SHISAL1: variants seen among roughly 807,000 people sequenced by gnomAD.
SHISAL1 encodes the protein protein shisa-like-1.
A neutral mutation model predicts 22.6 loss-of-function variants in SHISAL1; 9 were observed. The ratio of observed to expected loss-of-function variants is 0.40; its 90% CI spans 0.24 to 0.70. SHISAL1 has a LOEUF of 0.70. Ranked by LOEUF, SHISAL1 falls within the 30% of genes least tolerant of loss-of-function variation. The pLI, the probability that SHISAL1 is intolerant of heterozygous loss-of-function variation, is 0.39. For synonymous variants in SHISAL1, 119 were observed against 115.4 expected, an observed-to-expected ratio of 1.03 and a Z score of -0.20; for missense variants, 246 against 270.6, an observed-to-expected ratio of 0.91 and a Z score of 0.64.
At chr22:44,292,884 C>T (rs2055362092) in intron 3 of SHISAL1, among the ~76,000 whole-genome samples, 1 of 152,254 alleles carries the variant, frequency 6.6e-6, no homozygotes. Flanking sequence ...AGGCCACCCT[C>T]ATGGCTCCTG....
At chr22:44,297,931 A>AC (rs1310328587) in intron 2 of SHISAL1, among the ~76,000 whole-genome samples, 1 of 152,186 alleles carries the variant, frequency 6.6e-6, no homozygotes, top group Non-Finnish European at 1.5e-5. Context: ...ACTGCAGCCC[A>AC]CACAGCTCCC....
At chr22:44,251,416 G>T (rs1280378437) in intron 4 of SHISAL1, among the ~76,000 whole-genome samples, 4 of 152,192 alleles carry the variant, frequency 2.6e-5, no homozygotes. Flanking sequence ...AATCAAGAAT[G>T]ATTCAGAAAG....
At chr22:44,279,576 G>A (rs946071369) in intron 4 of SHISAL1, among the ~76,000 whole-genome samples, 3 of 152,198 alleles carry the variant, frequency 2.0e-5, no homozygotes, top group African/African-American at 7.2e-5. Context: ...AGGGGAGGAC[G>A]AATGAGTTTT....
chr22:44,276,356 G>A (rs895147812), intron 4 of SHISAL1, among the ~76,000 whole-genome samples: 5 of 152,150 alleles, frequency 3.3e-5, no homozygotes, highest in African/African-American at 9.7e-5. Context: ...AGTGGGGTGC[G>A]GTGGAGTCAG....
chr22:44,326,193 A>T, the SHISAL1 span, among the ~76,000 whole-genome samples: 1 of 152,210 alleles, frequency 6.6e-6, no homozygotes, highest in Non-Finnish European at 1.5e-5. Context: ...CGTTTCCGTG[A>T]CAAGCTCCGG....
chr22:44,269,499 G>A (rs1436365306), intron 4 of SHISAL1, among the ~76,000 whole-genome samples: 5 of 121,032 alleles, frequency 4.1e-5, no homozygotes, highest in Non-Finnish European at 8.4e-5. Flanking sequence ...CACACTCCAT[G>A]CCACACCATG....
Position 44,296,728 on chromosome 22 carries a change from C to T in SHISAL1, c.225G>A (p.Glu75=), listed in dbSNP as rs765804319. 6.2e-7 allele frequency: 1 copy of T among 1,614,142 alleles called. No individual in the cohort carries two copies. The highest frequency in any genetic ancestry group is 1.7e-5 in the Admixed American group (1 of 60,038). Residue 75 remains glutamate (E), a synonymous_variant, in exon 3 of 5, where the codon GAG becomes GAA. Coordinates refer to ENST00000381176, the MANE Select transcript of SHISAL1 (RefSeq NM_001099294.2). ...TVFKYCCNET[E]FQAVMQANLT... ...GGTTCGCCTGCATCACCGCCTGGAA[C>T]TCCGTCTCGTTGCAGCAGTATTTGA...
upstream of SHISAL1, among the ~76,000 whole-genome samples, chr22:44,317,227 G>A (rs530810899): frequency 2.6e-4 from 39 of 152,290 alleles, no homozygotes; most frequent in Non-Finnish European, 4.9e-4. Flanking sequence ...ATTCAGCTCC[G>A]AGAGCCGGGC....
At chr22:44,256,839 GAAATGGATCAATTTCC>G (rs1379246629) in intron 4 of SHISAL1, among the ~76,000 whole-genome samples, 1 of 152,122 alleles carries the variant, frequency 6.6e-6, no homozygotes, top group East Asian at 1.9e-4. Context: ...AAGCCTCCAA[GAAATGGATCAATTTCC>G]AAGAAAAGAG....
intron 4 of SHISAL1, among the ~76,000 whole-genome samples, chr22:44,262,390 G>A (rs1482967149): frequency 6.6e-6 from 1 of 152,192 alleles, no homozygotes; most frequent in Admixed American, 6.5e-5. Flanking sequence ...GTGGGGAGCC[G>A]ACATGGAAGA....
In SHISAL1 at chr22:44,249,634, C is replaced by T. The variant is rs774274623; in HGVS notation, c.*51G>A. On this transcript the variant is annotated 3_prime_UTR_variant, in exon 5 of 5. Transcript: ENST00000381176. Reference sequence around the variant, plus strand: ...AAGTTGTTCTTCTCGGAGGCTGCACCGGGTGCTTCAGATCTCATCTCCCCC... The same window carrying T: ...AAGTTGTTCTTCTCGGAGGCTGCACTGGGTGCTTCAGATCTCATCTCCCCC... 18 of 778,802 alleles carry T rather than the reference C, an allele frequency of 2.3e-5. No homozygotes were observed. The highest frequency in any genetic ancestry group is 1.2e-4 in the Admixed American group (7 of 58,584). 48.2% of individuals were successfully genotyped at this position (778,802 alleles called of 1,614,324 possible).
At chr22:44,299,162 G>A (rs1426246474) in intron 2 of SHISAL1, among the ~76,000 whole-genome samples, 1 of 152,190 alleles carries the variant, frequency 6.6e-6, no homozygotes, top group African/African-American at 2.4e-5. Flanking sequence ...GCAGTAAAGG[G>A]CAGCATCCGT....
chr22:44,247,377 G>A lies in SHISAL1; in HGVS notation c.*2308C>T, dbSNP rs2055010039. On this transcript the variant is annotated 3_prime_UTR_variant, in exon 5 of 5. Coordinates refer to ENST00000381176, the MANE Select transcript of SHISAL1 (RefSeq NM_001099294.2). ...CTCTGCCTTCTGAGGCACTGCACGT[G>A]GGACACAGCTGTGGCTTCCGCAGCT... 6.6e-6 allele frequency: 1 copy of A among 152,298 alleles called. No homozygotes were observed. Among genetic ancestry groups the A allele is most frequent in the African/African-American group, 2.4e-5 (1 of 41,448 alleles). The allele number at this position is 152,298 out of a possible 1,614,324, so 9.4% of individuals were successfully genotyped here. A position where few individuals can be genotyped will look rare whatever the true frequency, so the allele number is the denominator to read the frequency against.
the SHISAL1 span, among the ~76,000 whole-genome samples, chr22:44,319,465 C>A: frequency 1.3e-5 from 2 of 152,210 alleles, no homozygotes. Context: ...TGAAATGAAA[C>A]CACTTCCCCA....
At chr22:44,327,387 G>A in the SHISAL1 span, among the ~76,000 whole-genome samples, 162 of 152,270 alleles carry the variant, frequency 1.1e-3, 1 homozygote, top group Admixed American at 1.7e-3. Flanking sequence ...AAGTGGGGAC[G>A]GCCCGTGACT....
intron 1 of SHISAL1, among the ~76,000 whole-genome samples, chr22:44,306,721 G>A (rs550301938): frequency 2.3e-5 from 3 of 128,098 alleles, no homozygotes; most frequent in South Asian, 5.2e-4. Context: ...CTCTGATGAC[G>A]ATGGCGTGTG....
rs143526139 is a variant in SHISAL1, at chr22:44,276,096, C to T, written c.599+9332G>A. Among the ~76,000 whole-genome samples the T allele has an allele frequency of 3.3e-3, 509 of 152,304 alleles. 2 individuals are homozygous for T. Among genetic ancestry groups the T allele is most frequent in the Non-Finnish European group, 5.9e-3 (399 of 68,028 alleles). ...GCCACAAAGCAAACGTGATGTCAGG[C>T]GGCGGTGCACATGATGAGGCAGCTG... On this transcript the variant is annotated intron_variant, in intron 4 of 4. Coordinates refer to ENST00000381176, the MANE Select transcript of SHISAL1 (RefSeq NM_001099294.2).
At chr22:44,258,287 G>C (rs1239133174) in intron 4 of SHISAL1, among the ~76,000 whole-genome samples, 1 of 151,922 alleles carries the variant, frequency 6.6e-6, no homozygotes, top group East Asian at 1.9e-4. Flanking sequence ...AGCCTGGGTG[G>C]CAGAGCGAGA....
chr22:44,256,074 GTTC>G (rs1320458473), intron 4 of SHISAL1, among the ~76,000 whole-genome samples: 1 of 152,190 alleles, frequency 6.6e-6, no homozygotes, highest in Admixed American at 6.5e-5. Context: ...TGGGGACATT[GTTC>G]TTCTCCTGCC....
Sources: gnomAD v4.1 joint callset for allele counts (sites outside exome capture counted in the v4.1 genomes callset) on GRCh38, gnomAD v4.1.1 for gene constraint, MANE v1.5 for transcripts, NCBI Gene and HGNC (gene_info 2026-07-23, HGNC 2026-07-21) for gene names.